The following ZNF264 variants were observed in gnomAD, a reference collection of about 807,000 sequenced individuals.
The protein encoded by ZNF264 is zinc finger protein 264.
In ZNF264, 11 loss-of-function variants were observed where a neutral mutation model predicts 11.2. The ratio of observed to expected loss-of-function variants is 0.98; its 90% CI spans 0.62 to 1.63. The LOEUF (loss-of-function observed/expected upper bound fraction) is 1.63, where lower values mean the gene tolerates loss of function less well. ZNF264 is among the 40% of genes most tolerant of loss of function. The pLI is 0.00. For missense variants in ZNF264, 752 were observed against 768.1 expected (o/e 0.98, Z 0.25); for synonymous variants, 309 against 279.8 (o/e 1.10, Z -1.04).
At chr19:57,202,340 G>A (rs191621757) in intron 2 of ZNF264, among the ~76,000 whole-genome samples, 2 of 152,078 alleles carry the variant, frequency 1.3e-5, no homozygotes, top group Middle Eastern at 3.4e-3. Context: ...CATATGCTGG[G>A]CCTCATGGGG....
Position 57,191,658 on chromosome 19 carries a change from G to T in ZNF264, c.-256G>T. The T allele has an allele frequency of 2.6e-6, 1 of 391,584 alleles. No individual in the cohort carries two copies. 24.3% of individuals were successfully genotyped at this position (391,584 alleles called of 1,614,324 possible). Reference sequence around the variant, plus strand: ...GACCCCTTCCGTGGGTTTGTTCCTGGGTCGCCGTCAAGCTGCGGTCTCTCC... The same window carrying T: ...GACCCCTTCCGTGGGTTTGTTCCTGTGTCGCCGTCAAGCTGCGGTCTCTCC... On this transcript the variant is annotated 5_prime_UTR_variant, in exon 1 of 4. Transcript: ENST00000263095.
rs972544909 is a variant in ZNF264, at chr19:57,212,495, T to G, written c.1398T>G (p.Asn466Lys). The G allele has an allele frequency of 6.2e-7, 1 of 1,610,970 alleles. No homozygotes were observed. Among genetic ancestry groups the G allele is most frequent in the African/African-American group, 1.4e-5 (1 of 73,606 alleles). Residue 466 changes from asparagine to lysine, a missense_variant, in exon 4 of 4, where the codon AAT becomes AAG. Asn to Lys is a moderately conservative substitution (Grantham distance 94). Transcript: ENST00000263095. Reference protein sequence around the residue: ...ECKECGKAFSNRKDLIRHFSI... With the variant: ...ECKECGKAFSKRKDLIRHFSI... ...AAGAGTGTGGGAAAGCCTTTAGCAA[T>G]CGGAAGGACCTCATTCGCCACTTCA...
At chr19:57,211,119 C>G (rs140298834) in intron 3 of ZNF264, among the ~76,000 whole-genome samples, 1 of 152,122 alleles carries the variant, frequency 6.6e-6, no homozygotes, top group Non-Finnish European at 1.5e-5. Flanking sequence ...GAAGGTGGCT[C>G]CACGAACAGA....
rs1334476162 is a variant in ZNF264, at chr19:57,212,957, A to C, written c.1860A>C (p.Glu620Asp). The C allele has an allele frequency of 1.2e-6, 2 of 1,611,802 alleles. No individual in the cohort carries two copies. The highest frequency in any genetic ancestry group is 1.7e-6 in the Non-Finnish European group (2 of 1,178,364). The change falls in exon 4 of 4, where the codon GAA becomes GAC. Residue 620 changes from glutamate (E) to aspartate (D), a missense_variant. By Grantham distance (45) the Glu-to-Asp change is conservative. Coordinates refer to ENST00000263095, the MANE Select transcript of ZNF264 (RefSeq NM_003417.5). ...CATCTGATCAACCATACCAAAGAGAAACCCCACAAGTGTCTTCACTGTGAG... is the reference window on the plus strand; with the variant it reads ...CATCTGATCAACCATACCAAAGAGACACCCCACAAGTGTCTTCACTGTGAG... ...SSASDQPYQR[E>D]TPQVSSL
intron 2 of ZNF264, among the ~76,000 whole-genome samples, chr19:57,200,410 A>G (rs2087242726): frequency 1.3e-5 from 2 of 151,008 alleles, no homozygotes; most frequent in South Asian, 4.2e-4. Context: ...GTTTGAGACA[A>G]AGCCTGGGCA....
At chr19:57,207,270 A>G (rs2087299608) in intron 3 of ZNF264, among the ~76,000 whole-genome samples, 1 of 152,176 alleles carries the variant, frequency 6.6e-6, no homozygotes, top group South Asian at 2.1e-4. Flanking sequence ...GTCTCCAGGC[A>G]CAGATGTCTC....
chr19:57,205,381 C>A lies in ZNF264; in HGVS notation c.161-16C>A, dbSNP rs1245978192. 9.4e-6 allele frequency: 15 copies of A among 1,599,270 alleles called. No homozygotes were observed. Among genetic ancestry groups the A allele is most frequent in the African/African-American group, 1.3e-5 (1 of 74,776 alleles). On this transcript the variant is annotated splice_polypyrimidine_tract_variant and intron_variant, in intron 2 of 3. Coordinates refer to ENST00000263095, the MANE Select transcript of ZNF264 (RefSeq NM_003417.5). ...TCACCCACATCCATGTGTCCACTTG[C>A]TTTCTCCATAAACAGGGTGTCCTGT...
At chr19:57,194,271 C>A in intron 2 of ZNF264, 3 of 468,518 alleles carry the variant, frequency 6.4e-6, no homozygotes, top group Non-Finnish European at 1.1e-5. Context: ...TTCAGCTGTG[C>A]CTCATGAGGG....
At position 57,215,494 on chromosome 19, in the gene ZNF264, C is replaced by T. The variant is rs1163811710; in HGVS notation, c.*2513C>T. The T allele has an allele frequency of 1.3e-5, 2 of 152,132 alleles. No individual in the cohort carries two copies. Among genetic ancestry groups the T allele is most frequent in the African/African-American group, 2.4e-5 (1 of 41,442 alleles). The allele number at this position is 152,132 out of a possible 1,614,324, so 9.4% of individuals were successfully genotyped here. ...TTCATCTCTCACTTCAGAGAACTAG[C>T]ACTTTATATTAATGATTTGTCTCTA... On this transcript the variant is annotated 3_prime_UTR_variant, in exon 4 of 4. Coordinates refer to ENST00000263095, the MANE Select transcript of ZNF264 (RefSeq NM_003417.5).
chr19:57,209,565 A>C (rs1188761608), intron 3 of ZNF264, among the ~76,000 whole-genome samples: 1 of 151,994 alleles, frequency 6.6e-6, no homozygotes, highest in African/African-American at 2.4e-5. Flanking sequence ...CATCTTGATC[A>C]TGTGTATTTG....
At chr19:57,207,701 T>G (rs1407210032) in intron 3 of ZNF264, among the ~76,000 whole-genome samples, 4 of 151,350 alleles carry the variant, frequency 2.6e-5, no homozygotes, top group African/African-American at 7.3e-5. Context: ...TGTGGGTTTT[T>G]TTGTTTGCTC....
intron 1 of ZNF264, chr19:57,192,340 T>G (rs1599943220): frequency 2.0e-6 from 2 of 985,216 alleles, no homozygotes; most frequent in African/African-American, 1.7e-5. Flanking sequence ...GTGTGTAAGG[T>G]TGCCATGGTT....
chr19:57,192,736 C>CTT (rs11423777), intron 1 of ZNF264, among the ~76,000 whole-genome samples: 1 of 151,364 alleles, frequency 6.6e-6, no homozygotes, highest in African/African-American at 2.4e-5. Context: ...TGTTCACATA[C>CTT]TTTTTTTTGT....
chr19:57,195,165 A>G (rs1207025027), intron 2 of ZNF264, among the ~76,000 whole-genome samples: 1 of 152,240 alleles, frequency 6.6e-6, no homozygotes, highest in African/African-American at 2.4e-5. Context: ...CAATAAGGTC[A>G]TAATTATGCT....
intron 3 of ZNF264, among the ~76,000 whole-genome samples, chr19:57,209,867 G>C (rs963439070): frequency 2.0e-5 from 3 of 152,070 alleles, no homozygotes; most frequent in Non-Finnish European, 4.4e-5. Flanking sequence ...CAAAGCACTA[G>C]GATTACAGGC....
At chr19:57,211,073 C>T (rs538764622) in intron 3 of ZNF264, among the ~76,000 whole-genome samples, 31 of 152,224 alleles carry the variant, frequency 2.0e-4, no homozygotes, top group African/African-American at 6.7e-4. Flanking sequence ...ACGGTGTCGT[C>T]GTTACTCTGT....
intron 2 of ZNF264, among the ~76,000 whole-genome samples, chr19:57,203,612 A>T (rs1245946045): frequency 6.6e-6 from 1 of 152,092 alleles, no homozygotes; most frequent in East Asian, 1.9e-4. Flanking sequence ...GTGAGAGTAG[A>T]TACTATTTGA....
In ZNF264 at chr19:57,191,845, G is replaced by A; in HGVS notation, c.-69G>A. ...GCCCCGGGCAACCGGCCAGGGTCGGGCACAGGTGGGGTCCGTCAGGCCGCC... is the reference window on the plus strand; with the variant it reads ...GCCCCGGGCAACCGGCCAGGGTCGGACACAGGTGGGGTCCGTCAGGCCGCC... On this transcript the variant is annotated 5_prime_UTR_variant, in exon 1 of 4. Coordinates refer to ENST00000263095, the MANE Select transcript of ZNF264 (RefSeq NM_003417.5). The A allele has an allele frequency of 1.6e-6, 2 of 1,218,420 alleles. No individual in the cohort carries two copies. Among genetic ancestry groups the A allele is most frequent in the Non-Finnish European group, 2.1e-6 (2 of 961,380 alleles). 75.5% of individuals were successfully genotyped at this position (1,218,420 alleles called of 1,614,324 possible). A position where few individuals can be genotyped will look rare whatever the true frequency, so the allele number is the denominator to read the frequency against.
Position 57,211,758 on chromosome 19 carries a change from C to T in ZNF264, c.661C>T (p.His221Tyr), listed in dbSNP as rs2087338080. The stretch of plus-strand genomic sequence containing the variant: ...TAACAAGAAACACCTCCTTGCTGGA[C>T]ATGAGAAAATTCACTCTGGAGTTAA... ...VFNKKHLLAG[H>Y]EKIHSGVKPY... The change falls in exon 4 of 4, where the codon CAT (histidine) becomes TAT (tyrosine). Residue 221 changes from histidine to tyrosine, a missense_variant. Physicochemically the swap from His to Tyr is moderately conservative, Grantham distance 83. Transcript: ENST00000263095. 6.2e-7 allele frequency: 1 copy of T among 1,614,096 alleles called. No individual in the cohort carries two copies. The highest frequency in any genetic ancestry group is 1.7e-5 in the Admixed American group (1 of 60,010).
Sources: gnomAD v4.1 joint callset for allele counts (sites outside exome capture counted in the v4.1 genomes callset) on GRCh38, gnomAD v4.1.1 for gene constraint, MANE v1.5 for transcripts, NCBI Gene and HGNC (gene_info 2026-07-23, HGNC 2026-07-21) for gene names.